The following HMX1 variants were observed in gnomAD, a reference collection of about 807,000 sequenced individuals.
The protein encoded by HMX1 is homeobox protein HMX1.
In HMX1, 8 loss-of-function variants were observed where a neutral mutation model predicts 8.9. The ratio of observed to expected loss-of-function variants is 0.90; its 90% CI spans 0.53 to 1.63. The LOEUF (loss-of-function observed/expected upper bound fraction) is 1.63. HMX1 is among the 40% of genes most tolerant of loss of function. The pLI is 0.00. For synonymous variants in HMX1, 311 were observed against 283.4 expected (o/e 1.10, Z -0.98); for missense variants, 621 against 558.5 (o/e 1.11, Z -1.13).
At chr4:8,852,693 C>A (rs1365118257) in intron 1 of HMX1, among the ~76,000 whole-genome samples, 1 of 152,230 alleles carries the variant, frequency 6.6e-6, no homozygotes, top group Non-Finnish European at 1.5e-5. Flanking sequence ...GTGGCCAAAA[C>A]TGACAGCATT....
chr4:8,861,439 GA>G (rs1248750342), intron 1 of HMX1, among the ~76,000 whole-genome samples: 1 of 152,216 alleles, frequency 6.6e-6, no homozygotes, highest in Non-Finnish European at 1.5e-5. Flanking sequence ...GGGCCGGTCA[GA>G]AGTAGGGAGA....
Position 8,853,853 on chromosome 4 carries a change from CA to C in HMX1, c.395-7530del, listed in dbSNP as rs369098152. 0.15 allele frequency among the ~76,000 whole-genome samples: 22,282 copies of C among 151,212 alleles called. 2,639 individuals are homozygous for C. The highest frequency in any genetic ancestry group is 0.33 in the African/African-American group (13,743 of 41,220). On this transcript the variant is annotated intron_variant, in intron 1 of 1. Transcript: ENST00000506970. This position sits in a 1 kb window ranked among gnomAD's most constrained non-coding sequence, Gnocchi z 4.7. ...GGGCAACAAGAGCAAAATTCCATCT[CA>C]AAAAAAAGGGGGGCGGGGGAAGAAT... is the stretch of plus-strand genomic sequence containing the variant.
At chr4:8,846,333 G>C (rs1721274339) in intron 1 of HMX1, 1 of 1,531,842 alleles carries the variant, frequency 6.5e-7, no homozygotes, top group South Asian at 1.2e-5. Context: ...GCCTGCAGGG[G>C]AGAAAAACCA....
intron 1 of HMX1, among the ~76,000 whole-genome samples, chr4:8,855,544 T>C (rs1362088084): frequency 2.0e-5 from 3 of 152,150 alleles, no homozygotes; most frequent in Non-Finnish European, 2.9e-5. Flanking sequence ...GATGGCCAGC[T>C]GCCGGGTGAC....
chr4:8,856,915 C>T (rs1721624737), intron 1 of HMX1, among the ~76,000 whole-genome samples: 1 of 152,126 alleles, frequency 6.6e-6, no homozygotes, highest in Admixed American at 6.5e-5. Flanking sequence ...ATACAGCACC[C>T]CTTCTCTACA....
At chr4:8,846,331 G>C in intron 1 of HMX1, 4 of 1,532,600 alleles carry the variant, frequency 2.6e-6, no homozygotes, top group Non-Finnish European at 3.5e-6. Context: ...GTGCCTGCAG[G>C]GGAGAAAAAC....
exon 2 of HMX1, chr4:8,846,179 C>G (rs182183894): frequency 7.8e-7 from 1 of 1,277,254 alleles, no homozygotes; most frequent in Admixed American, 2.0e-5. Context: ...AAGGCTCCAC[C>G]GTGTTGTGGC....
At chr4:8,863,152 G>A (rs565187783), downstream of HMX1, among the ~76,000 whole-genome samples, 2 of 152,180 alleles carry the variant, frequency 1.3e-5, no homozygotes, top group East Asian at 1.9e-4. Flanking sequence ...GTGCACAGGC[G>A]GGGAGGAACA....
At chr4:8,862,192 C>G (rs1257230670), downstream of HMX1, among the ~76,000 whole-genome samples, 2 of 152,216 alleles carry the variant, frequency 1.3e-5, no homozygotes, top group Admixed American at 6.5e-5. Flanking sequence ...TCTACAGAGA[C>G]CACGTTAATG....
rs1373843128 is a variant in HMX1, at chr4:8,853,249, G to A, written c.395-6925C>T. The stretch of plus-strand genomic sequence containing the variant: ...GTGAAGCTGGTAAACCATCCAGGAG[G>A]TAGGACAGCTCTGCCCCAGGTCACC... On this transcript the variant is annotated intron_variant, in intron 1 of 1. Transcript: ENST00000506970. This position sits in a 1 kb window ranked among gnomAD's most constrained non-coding sequence, Gnocchi z 4.7. Among the ~76,000 whole-genome samples, 4 of 152,156 alleles carry A rather than the reference G, an allele frequency of 2.6e-5. No individual in the cohort carries two copies. Among genetic ancestry groups the A allele is most frequent in the East Asian group, 1.9e-4 (1 of 5,186 alleles).
chr4:8,846,963 G>A (rs1343774586), intron 1 of HMX1, among the ~76,000 whole-genome samples: 1 of 152,190 alleles, frequency 6.6e-6, no homozygotes, highest in Non-Finnish European at 1.5e-5. Flanking sequence ...ACCCCCTGAG[G>A]GCAGGGTGCC....
At chr4:8,866,431 C>T (rs1244876540), downstream of HMX1, among the ~76,000 whole-genome samples, 1 of 152,236 alleles carries the variant, frequency 6.6e-6, no homozygotes, top group Non-Finnish European at 1.5e-5. Context: ...TACTGTCCCT[C>T]CCCCACCCAA....
Position 8,867,485 on chromosome 4 carries a change from C to A in HMX1, c.*208G>T. The A allele has an allele frequency of 8.6e-7, 1 of 1,165,194 alleles. No individual in the cohort carries two copies. 72.2% of individuals were successfully genotyped at this position (1,165,194 alleles called of 1,614,324 possible). ...CTGTTCGAGTGGGGATCCAGCCTGG[C>A]AAATGGGTGGGGCGTCCCATTACAT... is the stretch of plus-strand genomic sequence containing the variant. On this transcript the variant is annotated 3_prime_UTR_variant, in exon 2 of 2. Transcript: ENST00000400677.
At position 8,867,389 on chromosome 4, in the gene HMX1, C is replaced by G; in HGVS notation, c.*304G>C. Reference sequence around the variant, plus strand: ...GCTGCCCCGGGTGGCCATGGCCGACCGCTCCTCGCTGAGGCCGGGGGGTGG... The same window carrying G: ...GCTGCCCCGGGTGGCCATGGCCGACGGCTCCTCGCTGAGGCCGGGGGGTGG... On this transcript the variant is annotated 3_prime_UTR_variant, in exon 2 of 2. Coordinates refer to ENST00000400677, the MANE Select transcript of HMX1 (RefSeq NM_018942.3). The G allele has an allele frequency of 9.5e-7, 1 of 1,055,682 alleles. No homozygotes were observed. Among genetic ancestry groups the G allele is most frequent in the Non-Finnish European group, 1.1e-6 (1 of 877,352 alleles). The allele number at this position is 1,055,682 out of a possible 1,614,324, so 65.4% of individuals were successfully genotyped here. A position where few individuals can be genotyped will look rare whatever the true frequency, so the allele number is the denominator to read the frequency against.
chr4:8,862,592 GATA>G (rs1447930301), downstream of HMX1, among the ~76,000 whole-genome samples: 2 of 152,132 alleles, frequency 1.3e-5, no homozygotes, highest in African/African-American at 2.4e-5. Flanking sequence ...CATTTTCACT[GATA>G]ATAACTTTTT....
rs1722043264 is a variant in HMX1 at position 8,867,540 on chromosome 4, C to T, written c.*153G>A. 3.4e-6 allele frequency: 4 copies of T among 1,187,194 alleles called. No homozygotes were observed. Among genetic ancestry groups the T allele is most frequent in the Non-Finnish European group, 4.2e-6 (4 of 959,586 alleles). The allele number at this position is 1,187,194 out of a possible 1,614,324, so 73.5% of individuals were successfully genotyped here. On this transcript the variant is annotated 3_prime_UTR_variant, in exon 2 of 2. Coordinates refer to ENST00000400677, the MANE Select transcript of HMX1 (RefSeq NM_018942.3). The stretch of plus-strand genomic sequence containing the variant: ...GAGGCGCTCCCCACAGAAGCTGAGG[C>T]CCGCCCGGCCGCGGCCTGCGCTCCC...
At chr4:8,846,516 G>A (rs912507439) in intron 1 of HMX1, among the ~76,000 whole-genome samples, 2 of 152,226 alleles carry the variant, frequency 1.3e-5, no homozygotes, top group African/African-American at 2.4e-5. Flanking sequence ...CCAGAAACTG[G>A]TGAAGTAGGA....
At chr4:8,863,773 C>T (rs1321077934), downstream of HMX1, among the ~76,000 whole-genome samples, 1 of 152,264 alleles carries the variant, frequency 6.6e-6, no homozygotes, top group Non-Finnish European at 1.5e-5. Flanking sequence ...GGCGGTGGGA[C>T]CACCTAGGGG....
intron 1 of HMX1, among the ~76,000 whole-genome samples, chr4:8,851,130 G>T (rs1721435901): frequency 6.6e-6 from 1 of 152,252 alleles, no homozygotes; most frequent in South Asian, 2.1e-4. Context: ...CGTCGTTACT[G>T]AGCAGGGAGA....
Sources: allele counts gnomAD v4.1 joint callset (sites outside exome capture counted in the v4.1 genomes callset), GRCh38; gene constraint gnomAD v4.1.1; non-coding constraint Gnocchi (gnomAD v3.1); transcripts MANE v1.5; gene names NCBI Gene and HGNC (gene_info 2026-07-23, HGNC 2026-07-21).